The following RPGRIP1L variants were observed in gnomAD, a reference collection of about 807,000 sequenced individuals.
The protein encoded by RPGRIP1L is protein fantom.
A neutral mutation model predicts 160.4 loss-of-function variants in RPGRIP1L; 131 were observed. That is an observed-to-expected ratio of 0.82 (90% CI 0.71 to 0.94). RPGRIP1L has a LOEUF of 0.94. Among genes scored for constraint, RPGRIP1L ranks in the 40% least tolerant of loss-of-function variants. The pLI, the probability that RPGRIP1L is intolerant of heterozygous loss-of-function variation, is 0.00. For missense variants in RPGRIP1L, 1,522 were observed against 1,535.8 expected, an observed-to-expected ratio of 0.99 and a Z score of 0.15; for synonymous variants, 510 against 515.8, an observed-to-expected ratio of 0.99 and a Z score of 0.15.
chr16:53,679,173 A>C (rs1483364823), intron 6 of RPGRIP1L, among the ~76,000 whole-genome samples: 1 of 152,090 alleles, frequency 6.6e-6, no homozygotes, highest in East Asian at 1.9e-4. Flanking sequence ...TCAAACTATA[A>C]ATCAGAACTC....
At chr16:53,674,714 G>C (rs1969013536) in intron 7 of RPGRIP1L, among the ~76,000 whole-genome samples, 1 of 151,982 alleles carries the variant, frequency 6.6e-6, no homozygotes, top group Admixed American at 6.6e-5. Flanking sequence ...AATAAATTCA[G>C]ATAAAAGGAG....
At chr16:53,693,037 C>T (rs1970493529) in intron 3 of RPGRIP1L, among the ~76,000 whole-genome samples, 1 of 152,128 alleles carries the variant, frequency 6.6e-6, no homozygotes, top group African/African-American at 2.4e-5. Flanking sequence ...GGAGTTTATA[C>T]CTTTGATTCT....
intron 22 of RPGRIP1L, among the ~76,000 whole-genome samples, chr16:53,630,139 G>A (rs942902862): frequency 1.3e-5 from 2 of 151,946 alleles, no homozygotes; most frequent in Non-Finnish European, 2.9e-5. Context: ...TGAACTCCTG[G>A]GCTCAAGCGA....
chr16:53,695,713 T>C, intron 3 of RPGRIP1L: 2 of 407,050 alleles, frequency 4.9e-6, no homozygotes, highest in South Asian at 3.8e-5. Context: ...AAGTTAAATA[T>C]GTTCCAGAGA....
At position 53,688,317 on chromosome 16, in the gene RPGRIP1L, A is replaced by AT. The variant is rs531903526; in HGVS notation, c.530-353dup. On this transcript the variant is annotated intron_variant, in intron 4 of 26. Transcript: ENST00000647211. ...AATGTAAATAGGTTATAAAAACCTG[A>AT]TTTTTTCCCCAGTGTTTGTGATAAG... Among the ~76,000 whole-genome samples the AT allele has an allele frequency of 1.1e-4, 17 of 152,104 alleles. No homozygotes were observed. The South Asian group carries it at 3.1e-3, about 28-fold the overall frequency.
intron 15 of RPGRIP1L, among the ~76,000 whole-genome samples, chr16:53,652,074 T>C (rs1221799260): frequency 2.0e-5 from 3 of 150,678 alleles, no homozygotes; most frequent in Admixed American, 6.6e-5. Flanking sequence ...ACATCATCAA[T>C]GACATTTTTT....
intron 19 of RPGRIP1L, among the ~76,000 whole-genome samples, chr16:53,640,680 T>A (rs1387521063): frequency 6.6e-6 from 1 of 151,990 alleles, no homozygotes; most frequent in East Asian, 1.9e-4. Context: ...CGCTGTGACC[T>A]TAGTAAGAGT....
chr16:53,620,080 C>T (rs557549735), intron 23 of RPGRIP1L, among the ~76,000 whole-genome samples: 4 of 152,062 alleles, frequency 2.6e-5, no homozygotes, highest in South Asian at 2.1e-4. Context: ...CAGAGACATG[C>T]TATAAATTAT....
intron 24 of RPGRIP1L, among the ~76,000 whole-genome samples, chr16:53,611,644 A>G (rs1462012312): frequency 6.6e-6 from 1 of 152,226 alleles, no homozygotes; most frequent in Non-Finnish European, 1.5e-5. Context: ...GGCATCGAGG[A>G]ATGTGGCCAG....
In RPGRIP1L at chr16:53,688,032, A is replaced by G. The variant is rs190770139; in HGVS notation, c.530-67T>C. The G allele has an allele frequency of 7.9e-4, 737 of 933,144 alleles. 1 individual carries two copies. The highest frequency in any genetic ancestry group is 1.2e-3 in the Non-Finnish European group (693 of 571,598). The allele number at this position is 933,144 out of a possible 1,614,324, so 57.8% of individuals were successfully genotyped here. On this transcript the variant is annotated intron_variant, in intron 4 of 26. Transcript: ENST00000647211. ...AGAAAAGAAGGATCTTTGATTTGCT[A>G]TAATAAGGATATTTATAATAAAATC...
Position 53,657,691 on chromosome 16 carries a change from A to G in RPGRIP1L, c.1402-59T>C, listed in dbSNP as rs139556945. ...AAAATTTCTAAGATGTGATTTTATG[A>G]ATTAATATAGATGTATCAATAAATA... On this transcript the variant is annotated intron_variant, in intron 12 of 26. Transcript: ENST00000647211. 5.1e-4 allele frequency: 483 copies of G among 946,178 alleles called. 2 individuals are homozygous for G. The African/African-American group carries it at 7.0e-3, about 14-fold the overall frequency. 58.6% of individuals were successfully genotyped at this position (946,178 alleles called of 1,614,324 possible).
At chr16:53,689,079 TTA>T (rs916691895) in intron 4 of RPGRIP1L, among the ~76,000 whole-genome samples, 6 of 148,956 alleles carry the variant, frequency 4.0e-5, no homozygotes, top group African/African-American at 7.3e-5. Flanking sequence ...TATATATATG[TTA>T]TATATATGTT....
At chr16:53,698,593 C>T (rs1388135914) in intron 2 of RPGRIP1L, among the ~76,000 whole-genome samples, 12 of 141,970 alleles carry the variant, frequency 8.5e-5, no homozygotes, top group Non-Finnish European at 1.4e-4. Flanking sequence ...AGGTGAGGGG[C>T]GCCTCTGCCC....
chr16:53,686,308 T>G, intron 6 of RPGRIP1L, 125 bp downstream of exon 6: 1 of 1,060,954 alleles, frequency 9.4e-7, no homozygotes, highest in Admixed American at 2.1e-5. Flanking sequence ...TAGGCTTATA[T>G]GAAGAATGTT....
At chr16:53,611,213 ATC>A (rs1212540341) in intron 24 of RPGRIP1L, among the ~76,000 whole-genome samples, 162 bp from the exon 25 acceptor site, 1 of 152,210 alleles carries the variant, frequency 6.6e-6, no homozygotes, top group Non-Finnish European at 1.5e-5. Flanking sequence ...CCAGAATCAA[ATC>A]TGAGTAGTCA....
intron 3 of RPGRIP1L, chr16:53,695,734 G>A (rs887607285): frequency 8.2e-6 from 3 of 367,182 alleles, no homozygotes; most frequent in African/African-American, 6.3e-5. Context: ...CTGAAGTGAT[G>A]TTTTCATTAG....
At chr16:53,672,818 A>T in intron 8 of RPGRIP1L, 52 bp downstream of exon 8, 1 of 1,532,294 alleles carries the variant, frequency 6.5e-7, no homozygotes, top group East Asian at 2.3e-5. Context: ...TTTTCAAAAC[A>T]GTTACCAAGA....
At chr16:53,698,571 G>A (rs1416220142) in intron 2 of RPGRIP1L, among the ~76,000 whole-genome samples, 8 of 144,366 alleles carry the variant, frequency 5.5e-5, no homozygotes, top group African/African-American at 1.6e-4. Context: ...CCGGCCAGCC[G>A]CCTCGTCCAG....
chr16:53,669,387 ACGTGTGAG>A (rs1482138050), intron 9 of RPGRIP1L, among the ~76,000 whole-genome samples: 1 of 151,988 alleles, frequency 6.6e-6, no homozygotes, highest in East Asian at 1.9e-4. Flanking sequence ...CATAAACTTC[ACGTGTGAG>A]CAGCATAACG....
Sources: gnomAD v4.1 joint callset for allele counts (sites outside exome capture counted in the v4.1 genomes callset) on GRCh38, gnomAD v4.1.1 for gene constraint, MANE v1.5 for transcripts, NCBI Gene and HGNC (gene_info 2026-07-23, HGNC 2026-07-21) for gene names.